Variants in SLC30A6 observed in about 807,000 individuals in gnomAD.
SLC30A6 encodes the protein zinc transporter 6.
Under a neutral mutation model 63.0 loss-of-function variants are expected in SLC30A6, and 55 were observed. The observed-to-expected ratio is 0.87, with a 90% CI of 0.70 to 1.09. SLC30A6 has a LOEUF of 1.09. Among genes scored for constraint, SLC30A6 ranks in the 50% least tolerant of loss-of-function variants. SLC30A6 has a pLI of 0.00. For synonymous variants in SLC30A6, 224 were observed against 186.1 expected (o/e 1.20, Z -1.66); for missense variants, 587 against 549.2 (o/e 1.07, Z -0.69).
Position 32,165,991 on chromosome 2 carries a change from C to G in SLC30A6, c.3+88C>G, listed in dbSNP as rs527885992. On this transcript the variant is annotated intron_variant, in intron 1 of 13. Coordinates refer to ENST00000282587, the MANE Select transcript of SLC30A6 (RefSeq NM_017964.5). ...CGAAGCGACCTTGAAATCCCTCAGC[C>G]ACCCAGAGGAGGGGTCATTGGAGTT... The G allele has an allele frequency of 1.2e-4, 187 of 1,577,038 alleles. 6 individuals carry two copies. In the South Asian group the frequency reaches 2.1e-3, roughly 17 times the overall value.
At chr2:32,205,142 C>T (rs1237962092) in intron 11 of SLC30A6, among the ~76,000 whole-genome samples, 1 of 152,000 alleles carries the variant, frequency 6.6e-6, no homozygotes, top group Non-Finnish European at 1.5e-5. Context: ...GTTTTTTGGC[C>T]AGGAGAGGTG....
At chr2:32,177,342 G>A (rs34916668) in intron 4 of SLC30A6, 6,432 of 160,640 alleles carry the variant, frequency 0.04, 164 homozygotes, top group Middle Eastern at 0.11. Context: ...TTGAGTTAGG[G>A]TCTTACTCTG....
intron 10 of SLC30A6, chr2:32,203,043 G>T: frequency 8.1e-7 from 1 of 1,238,322 alleles, no homozygotes; most frequent in Non-Finnish European, 1.2e-6. Context: ...AAAACAGAAT[G>T]CCCAGTGTTT....
chr2:32,174,118 T>C lies in SLC30A6; in HGVS notation c.146T>C (p.Leu49Pro), dbSNP rs370723498. 1 of 1,613,734 alleles carries C rather than the reference T, an allele frequency of 6.2e-7. No individual in the cohort carries two copies. Among genetic ancestry groups the C allele is most frequent in the Non-Finnish European group, 8.5e-7 (1 of 1,179,774 alleles). Residue 49 changes from leucine to proline, a missense_variant, in exon 3 of 14, where the codon CTT becomes CCT. Leu to Pro is a moderately conservative substitution (Grantham distance 98). Coordinates refer to ENST00000282587, the MANE Select transcript of SLC30A6 (RefSeq NM_017964.5). ...AACTTGATATGTACTGGCTTCCTGC[T>C]TATGTGGTGCAGTTCTACTAATAGT... ...VINLICTGFL[L>P]MWCSSTNSIA...
intron 4 of SLC30A6, among the ~76,000 whole-genome samples, chr2:32,183,312 C>A (rs185133748): frequency 3.7e-4 from 57 of 152,196 alleles, no homozygotes; most frequent in African/African-American, 1.4e-3. Context: ...CTTCATGGAG[C>A]CTTTCATATT....
chr2:32,183,630 G>A (rs1356761584), intron 4 of SLC30A6, among the ~76,000 whole-genome samples: 1 of 150,066 alleles, frequency 6.7e-6, no homozygotes, highest in Non-Finnish European at 1.5e-5. Flanking sequence ...AGAGGTTTCA[G>A]TGAGCCGAGA....
Position 32,207,035 on chromosome 2 carries a change from A to T in SLC30A6, c.816+102A>T. 3.2e-6 allele frequency: 3 copies of T among 950,108 alleles called. No homozygotes were observed. The Admixed American group carries it at 6.0e-5, about 19-fold the overall frequency. 58.9% of individuals were successfully genotyped at this position (950,108 alleles called of 1,614,324 possible). A position where few individuals can be genotyped will look rare whatever the true frequency, so the allele number is the denominator to read the frequency against. ...TCAACTCTACCTAGAATTTTATTTG[A>T]GGGAAGTTCATGTTCTTCACAATAA... is the stretch of plus-strand genomic sequence containing the variant. On this transcript the variant is annotated intron_variant, in intron 12 of 13. Coordinates refer to ENST00000282587, the MANE Select transcript of SLC30A6 (RefSeq NM_017964.5).
At chr2:32,203,716 A>T (rs878896811) in intron 10 of SLC30A6, 4 of 1,530,094 alleles carry the variant, frequency 2.6e-6, no homozygotes, top group Non-Finnish European at 3.6e-6. Context: ...TCCTACAACT[A>T]AGTCAGAAAG....
At chr2:32,181,783 G>C (rs1045934258) in intron 4 of SLC30A6, among the ~76,000 whole-genome samples, 6 of 151,994 alleles carry the variant, frequency 3.9e-5, no homozygotes, top group African/African-American at 7.2e-5. Flanking sequence ...TGGGAGAATC[G>C]CTTGAGCCTG....
chr2:32,195,099 C>CT (rs11453810), intron 8 of SLC30A6, among the ~76,000 whole-genome samples: 76,547 of 125,650 alleles, frequency 0.61, 23,814 homozygotes, highest in Admixed American at 0.65. Flanking sequence ...TTATGCCTGG[C>CT]TTTTTTTTTT....
At chr2:32,165,983 C>T (rs1365654463) in intron 1 of SLC30A6, 80 bp downstream of exon 1, 9 of 1,596,630 alleles carry the variant, frequency 5.6e-6, no homozygotes, top group African/African-American at 1.3e-5. Context: ...ACCTTGAAAT[C>T]CCTCAGCCAC....
At chr2:32,209,633 T>A (rs1685083029) in intron 13 of SLC30A6, 72 bp downstream of exon 13, 38 of 1,245,804 alleles carry the variant, frequency 3.1e-5, no homozygotes, top group Non-Finnish European at 4.3e-5. Context: ...TGAAAAAAAA[T>A]ATTTCCTTAA....
intron 10 of SLC30A6, among the ~76,000 whole-genome samples, chr2:32,201,255 C>T (rs1183160260): frequency 2.0e-5 from 3 of 152,180 alleles, no homozygotes; most frequent in African/African-American, 7.2e-5. Flanking sequence ...GAAAAGAGTG[C>T]ACAATCAGCT....
chr2:32,193,329 C>T (rs1445666242), intron 7 of SLC30A6, among the ~76,000 whole-genome samples: 1 of 152,040 alleles, frequency 6.6e-6, no homozygotes, highest in African/African-American at 2.4e-5. Context: ...AATCCCAGCA[C>T]TTTGGGAGGC....
chr2:32,202,965 G>C (rs188341806), intron 10 of SLC30A6: 1 of 1,141,208 alleles, frequency 8.8e-7, no homozygotes, highest in East Asian at 2.3e-5. Flanking sequence ...CAGTGGGTCT[G>C]AAGGGACGGC....
At chr2:32,180,000 G>C (rs1329916396) in intron 4 of SLC30A6, among the ~76,000 whole-genome samples, 6 of 152,130 alleles carry the variant, frequency 3.9e-5, no homozygotes, top group African/African-American at 1.4e-4. Flanking sequence ...TCTCATGCCT[G>C]TAATCCTAGT....
rs528892467 is a variant in SLC30A6, at chr2:32,203,587, G to C, written c.666-1003G>C. On this transcript the variant is annotated intron_variant, in intron 10 of 13. Coordinates refer to ENST00000282587, the MANE Select transcript of SLC30A6 (RefSeq NM_017964.5). ...GACCATGACTCTGGAAAGCCTAGAGGAAATACAGGATGTCAGCTGTGCTTG... is the reference window on the plus strand; with the variant it reads ...GACCATGACTCTGGAAAGCCTAGAGCAAATACAGGATGTCAGCTGTGCTTG... 48 of 1,595,974 alleles carry C rather than the reference G, an allele frequency of 3.0e-5. No individual in the cohort carries two copies. The South Asian group carries it at 4.2e-4, about 14-fold the overall frequency.
chr2:32,204,584 T>C lies in SLC30A6; in HGVS notation c.666-6T>C. ...TTTAAAATTTAGAATTGTTTTTTCC[T>C]TTTAGTAATTATTTTGCCGTAGACA... On this transcript the variant is annotated splice_polypyrimidine_tract_variant and splice_region_variant and intron_variant, in intron 10 of 13. Transcript: ENST00000282587. 1.2e-6 allele frequency: 2 copies of C among 1,600,106 alleles called. No individual in the cohort carries two copies. The highest frequency in any genetic ancestry group is 1.7e-6 in the Non-Finnish European group (2 of 1,169,246).
At chr2:32,215,545 G>A (rs1379070131) in intron 13 of SLC30A6, among the ~76,000 whole-genome samples, 1 of 140,300 alleles carries the variant, frequency 7.1e-6, no homozygotes. Flanking sequence ...GTTCTTATTA[G>A]GCAAATAGTA....
Sources: allele counts gnomAD v4.1 joint callset (sites outside exome capture counted in the v4.1 genomes callset), GRCh38; gene constraint gnomAD v4.1.1; transcripts MANE v1.5; gene names NCBI Gene and HGNC (gene_info 2026-07-23, HGNC 2026-07-21).